KLHL4: variants seen among roughly 807,000 people sequenced by gnomAD.
KLHL4 encodes the protein kelch-like protein 4.
A neutral mutation model predicts 45.8 loss-of-function variants in KLHL4; 17 were observed. The ratio of observed to expected loss-of-function variants is 0.37; its 90% CI spans 0.25 to 0.56. The LOEUF (loss-of-function observed/expected upper bound fraction) is 0.56, where lower values mean the gene tolerates loss of function less well. KLHL4 is among the 20% of genes least tolerant of loss of function. The pLI is 0.79. For missense variants in KLHL4, 544 were observed against 544.9 expected, an observed-to-expected ratio of 1.00 and a Z score of 0.02; for synonymous variants, 224 against 189.9, an observed-to-expected ratio of 1.18 and a Z score of -1.47.
chrX:87,652,048 G>A (rs752787426), intron 9 of KLHL4, among the ~76,000 whole-genome samples: 1 of 112,647 alleles, frequency 8.9e-6, no homozygotes, highest in East Asian at 2.8e-4. Flanking sequence ...TGCACTTGCA[G>A]GCTCAACACC....
intron 9 of KLHL4, among the ~76,000 whole-genome samples, chrX:87,642,724 A>G (rs1923504607): frequency 8.9e-6 from 1 of 112,342 alleles, no homozygotes; most frequent in African/African-American, 3.2e-5. Context: ...AAATCCAGGA[A>G]ACTTTGGACA....
intron 9 of KLHL4, among the ~76,000 whole-genome samples, chrX:87,660,269 T>C (rs1169395852): frequency 9.0e-6 from 1 of 111,576 alleles, no homozygotes; most frequent in Non-Finnish European, 1.9e-5. Context: ...AAATCCATAA[T>C]TGTATTCAAC....
chrX:87,590,983 T>C (rs1292206427), intron 1 of KLHL4, among the ~76,000 whole-genome samples: 1 of 111,968 alleles, frequency 8.9e-6, no homozygotes, highest in Non-Finnish European at 1.9e-5. Context: ...ACATAGTAAC[T>C]TCTCTTTTTG....
In KLHL4 at chrX:87,622,261, T is replaced by C. The variant is rs150023774; in HGVS notation, c.975T>C (p.Ala325=). The change falls in exon 5 of 11, where the codon GCT becomes GCC. Residue 325 remains alanine, a synonymous_variant. Coordinates refer to ENST00000373119, the MANE Select transcript of KLHL4 (RefSeq NM_019117.5). ...ACCAAGAATTCCTCCTGCTTCCAGC[T>C]AATGAAATTTCAAAACTTCTGTGCA... ...IKNQEFLLLP[A]NEISKLLCSD... is the part of the protein sequence containing the mutation. The C allele has an allele frequency of 4.3e-5, 52 of 1,207,989 alleles. No homozygotes were observed. The African/African-American group carries it at 8.2e-4, about 19-fold the overall frequency.
intron 1 of KLHL4, among the ~76,000 whole-genome samples, chrX:87,521,896 A>G (rs1304718937): frequency 8.9e-6 from 1 of 112,697 alleles, no homozygotes; most frequent in African/African-American, 3.2e-5. Flanking sequence ...CTTTCCAGCC[A>G]TCCTGTAACC....
chrX:87,572,282 A>T (rs1483732976), intron 1 of KLHL4, among the ~76,000 whole-genome samples: 1 of 91,760 alleles, frequency 1.1e-5, no homozygotes, highest in Non-Finnish European at 2.1e-5. Context: ...TGAAGAGATA[A>T]AATTCACAAA....
chrX:87,533,594 A>G (rs1189089579), intron 1 of KLHL4, among the ~76,000 whole-genome samples: 1 of 104,811 alleles, frequency 9.5e-6, no homozygotes, highest in Non-Finnish European at 1.9e-5. Context: ...TAGGAGATAT[A>G]CCTAATGCTA....
intron 1 of KLHL4, among the ~76,000 whole-genome samples, chrX:87,563,169 A>C (rs961239138): frequency 4.5e-5 from 5 of 110,753 alleles, no homozygotes; most frequent in African/African-American, 1.6e-4. Flanking sequence ...AAGAGCACAT[A>C]AGCCCAAACT....
chrX:87,619,817 G>A (rs750698103), intron 4 of KLHL4, among the ~76,000 whole-genome samples: 2 of 111,945 alleles, frequency 1.8e-5, no homozygotes, highest in Admixed American at 1.9e-4. Flanking sequence ...AGTTATGTTA[G>A]TATCTATTGT....
chrX:87,520,084 G>T (rs1602395599), intron 1 of KLHL4, among the ~76,000 whole-genome samples: 1 of 112,018 alleles, frequency 8.9e-6, no homozygotes, highest in Non-Finnish European at 1.9e-5. Context: ...TACAGGAAAT[G>T]GTTTTATAGG....
Position 87,617,935 on chromosome X carries a change from T to C in KLHL4, c.731T>C (p.Val244Ala). ...NSLVQYAYTG[V>A]LQLKEDTIES... ...TTTGCTTTTTCAAACCATCTAGGAG[T>C]CCTGCAATTGAAAGAAGATACCATT... The change falls in exon 4 of 11, where the codon GTC becomes GCC. Residue 244 changes from valine (V) to alanine (A), a missense_variant. Val to Ala is a moderately conservative substitution (Grantham distance 64). Transcript: ENST00000373119. 8.3e-7 allele frequency: 1 copy of C among 1,202,694 alleles called. No homozygotes were observed. The highest frequency in any genetic ancestry group is 1.1e-6 in the Non-Finnish European group (1 of 889,356).
intron 6 of KLHL4, among the ~76,000 whole-genome samples, chrX:87,626,203 C>T (rs1490460866): frequency 9.0e-6 from 1 of 111,381 alleles, no homozygotes; most frequent in African/African-American, 3.3e-5. Flanking sequence ...TGGTTTTATA[C>T]ATTTTAGGGA....
rs766612867 is a variant in KLHL4, at chrX:87,532,378, G to A, written c.422+14063G>A. On this transcript the variant is annotated intron_variant, in intron 1 of 10. Transcript: ENST00000373119. ...GAAGTCAGGTAGCATGATGACTCCAGCTTTGTTCTTTTTGCTTAGGAGTGT... is the reference window on the plus strand; with the variant it reads ...GAAGTCAGGTAGCATGATGACTCCAACTTTGTTCTTTTTGCTTAGGAGTGT... Among the ~76,000 whole-genome samples the A allele has an allele frequency of 1.3e-3, 139 of 111,018 alleles. 1 individual carries two copies. Among genetic ancestry groups the A allele is most frequent in the African/African-American group, 4.5e-3 (138 of 30,536 alleles).
chrX:87,666,721 T>C lies in KLHL4; in HGVS notation c.*187T>C. The C allele has an allele frequency of 1.0e-6, 1 of 968,370 alleles. No homozygotes were observed. The highest frequency in any genetic ancestry group is 1.3e-6 in the Non-Finnish European group (1 of 769,649). The allele number at this position is 968,370 out of a possible 1,213,427, so 79.8% of individuals were successfully genotyped here. A position where few individuals can be genotyped will look rare whatever the true frequency, so the allele number is the denominator to read the frequency against. On this transcript the variant is annotated 3_prime_UTR_variant, in exon 11 of 11. Coordinates refer to ENST00000373119, the MANE Select transcript of KLHL4 (RefSeq NM_019117.5). ...AGCCGAAACGTTTTTAAACATGAATTACATATGAATTATTAAGCATATGTG... is the reference window on the plus strand; with the variant it reads ...AGCCGAAACGTTTTTAAACATGAATCACATATGAATTATTAAGCATATGTG...
At chrX:87,531,052 G>A (rs1213957293) in intron 1 of KLHL4, among the ~76,000 whole-genome samples, 1 of 111,953 alleles carries the variant, frequency 8.9e-6, no homozygotes, top group Non-Finnish European at 1.9e-5. Flanking sequence ...GTGTCCTTTG[G>A]CTGCATAAAT....
chrX:87,622,645 A>G (rs1421053694), intron 5 of KLHL4, among the ~76,000 whole-genome samples: 1 of 111,253 alleles, frequency 9.0e-6, no homozygotes, highest in African/African-American at 3.3e-5. Context: ...CATAAACATC[A>G]GAATACTCAT....
chrX:87,643,165 C>T (rs1165347595), intron 9 of KLHL4, among the ~76,000 whole-genome samples: 2 of 111,169 alleles, frequency 1.8e-5, no homozygotes, highest in Admixed American at 1.9e-4. Context: ...ACTGATAGAC[C>T]ATTAGCAAGA....
chrX:87,528,018 T>C (rs146173168), intron 1 of KLHL4, among the ~76,000 whole-genome samples: 1,371 of 110,603 alleles, frequency 0.012, 13 homozygotes, highest in South Asian at 0.051. Context: ...GACCTAGGCA[T>C]CCAAAGCCTA....
At chrX:87,561,655 T>C (rs1427658979) in intron 1 of KLHL4, among the ~76,000 whole-genome samples, 1 of 110,885 alleles carries the variant, frequency 9.0e-6, no homozygotes, top group East Asian at 2.9e-4. Context: ...TGCAACCCAG[T>C]GAGATCTGGA....
Sources: gnomAD v4.1 joint callset for allele counts (sites outside exome capture counted in the v4.1 genomes callset) on GRCh38, gnomAD v4.1.1 for gene constraint, MANE v1.5 for transcripts, NCBI Gene and HGNC (gene_info 2026-07-23, HGNC 2026-07-21) for gene names.